The following HECTD2 variants were observed in gnomAD, a reference collection of about 807,000 sequenced individuals.
The protein encoded by HECTD2 is HECT domain E3 ubiquitin protein ligase 2.
Under a neutral mutation model 103.2 loss-of-function variants are expected in HECTD2, and 35 were observed. That is an observed-to-expected ratio of 0.34 (90% CI 0.26 to 0.45). The LOEUF is 0.45. Among genes scored for constraint, HECTD2 ranks in the 20% least tolerant of loss-of-function variants. The pLI, the probability that HECTD2 is intolerant of heterozygous loss-of-function variation, is 1.00. For missense variants in HECTD2, 596 were observed against 937.4 expected (o/e 0.64, Z 4.76); for synonymous variants, 281 against 329.9 (o/e 0.85, Z 1.61).
chr10:91,496,313 C>G lies in HECTD2; in HGVS notation c.1621C>G (p.Gln541Glu), dbSNP rs1424654688. 3 of 1,611,760 alleles carry G rather than the reference C, an allele frequency of 1.9e-6. No individual in the cohort carries two copies. The African/African-American group carries it at 4.0e-5, about 22-fold the overall frequency. The change falls in exon 15 of 21, where the codon CAA (glutamine) becomes GAA (glutamate). Residue 541 changes from glutamine (Q) to glutamate (E), a missense_variant. By Grantham distance (29) the Gln-to-Glu change is conservative. This residue lies in a region of HECTD2 where 303 missense variants were observed against 522.5 expected (regional missense o/e 0.58). Coordinates refer to ENST00000298068, the MANE Select transcript of HECTD2 (RefSeq NM_182765.6). ...GAGCCCTCCCATCATTCCTAGTGAT[C>G]AAAATATACCAGTAGGCATCTGCAA... is the stretch of plus-strand genomic sequence containing the variant. ...LLSPPIIPSD[Q>E]NIPVGICNVT...
At chr10:91,424,749 A>C (rs1352840027) in intron 1 of HECTD2, among the ~76,000 whole-genome samples, 1 of 152,102 alleles carries the variant, frequency 6.6e-6, no homozygotes, top group Non-Finnish European at 1.5e-5. Flanking sequence ...TCTAAAAAAA[A>C]ATTCTGGTAT....
intron 11 of HECTD2, chr10:91,489,269 G>A (rs1846377874): frequency 6.6e-6 from 1 of 152,122 alleles, no homozygotes; most frequent in Non-Finnish European, 1.5e-5. Flanking sequence ...GAGCTAAGTG[G>A]CATTATCAGT....
chr10:91,424,498 A>G (rs1376187479), intron 1 of HECTD2, among the ~76,000 whole-genome samples: 7 of 152,126 alleles, frequency 4.6e-5, no homozygotes, highest in Non-Finnish European at 1.5e-5. Context: ...GGAAATTGGA[A>G]CATAGTATAA....
At chr10:91,471,010 A>ACG (rs200398909) in intron 5 of HECTD2, among the ~76,000 whole-genome samples, 9 of 145,124 alleles carry the variant, frequency 6.2e-5, no homozygotes, top group African/African-American at 2.0e-4. Flanking sequence ...ACAGACACAC[A>ACG]CGCACACACA....
At position 91,503,642 on chromosome 10, in the gene HECTD2, G is replaced by A. The variant is rs184999913; in HGVS notation, c.2210+2308G>A. ...GGAGGGTCCTACCCCACGGAGTCTC[G>A]CTGATGGCTAGCGCAGCAGTCTGAG... On this transcript the variant is annotated intron_variant, in intron 20 of 20. Coordinates refer to ENST00000298068, the MANE Select transcript of HECTD2 (RefSeq NM_182765.6). 5.3e-3 allele frequency among the ~76,000 whole-genome samples: 810 copies of A among 152,220 alleles called. 4 individuals carry two copies. The highest frequency in any genetic ancestry group is 9.8e-3 in the Admixed American group (150 of 15,286).
chr10:91,431,269 C>G lies in HECTD2; in HGVS notation c.268+5859C>G, dbSNP rs1453290678. The stretch of plus-strand genomic sequence containing the variant: ...GATCTGCTGTTAGTCTGATGGGCTT[C>G]CCTTTGTGGGTAACCCAACCTTTCT... On this transcript the variant is annotated intron_variant, in intron 2 of 20. Coordinates refer to ENST00000298068, the MANE Select transcript of HECTD2 (RefSeq NM_182765.6). Among the ~76,000 whole-genome samples, 3 of 151,854 alleles carry G rather than the reference C, an allele frequency of 2.0e-5. No individual in the cohort carries two copies. The East Asian group carries it at 5.8e-4, about 29-fold the overall frequency.
At chr10:91,428,584 T>G (rs959445815) in intron 2 of HECTD2, among the ~76,000 whole-genome samples, 7 of 152,178 alleles carry the variant, frequency 4.6e-5, no homozygotes, top group East Asian at 1.9e-4. Context: ...CCTTGAAGAG[T>G]TCCTTCACAT....
In HECTD2 at chr10:91,433,492, A is replaced by G. The variant is rs10450389; in HGVS notation, c.268+8082A>G. Among the ~76,000 whole-genome samples, 193 of 152,130 alleles carry G rather than the reference A, an allele frequency of 1.3e-3. 3 individuals are homozygous for G. The highest frequency in any genetic ancestry group is 6.8e-3 in the Middle Eastern group (2 of 294). Reference sequence around the variant, plus strand: ...TCTAGATATCTTTCTGTATCAGTACATAGAAAACTTCTTTATTATTTTTTA... The same window carrying G: ...TCTAGATATCTTTCTGTATCAGTACGTAGAAAACTTCTTTATTATTTTTTA... On this transcript the variant is annotated intron_variant, in intron 2 of 20. Transcript: ENST00000298068.
chr10:91,484,997 G>A (rs779703079), intron 9 of HECTD2, among the ~76,000 whole-genome samples, 183 bp from the exon 10 acceptor site: 1 of 151,892 alleles, frequency 6.6e-6, no homozygotes, highest in Admixed American at 6.6e-5. Context: ...TTTTAAGCAA[G>A]AAACTATTGG....
chr10:91,500,521 T>G lies in HECTD2; in HGVS notation c.1970T>G (p.Val657Gly), dbSNP rs1589547529. Residue 657 changes from valine to glycine, a missense_variant, in exon 19 of 21, where the codon GTT (valine) becomes GGT (glycine). This residue lies in a region of HECTD2 where 69 missense variants were observed against 153.8 expected (regional missense o/e 0.45). Transcript: ENST00000298068. Reference protein sequence around the residue: ...NALMLLRPEEVEILVCGSPDL... With the variant: ...NALMLLRPEEGEILVCGSPDL... Reference sequence around the variant, plus strand: ...TGGCAGCTGCTTCGTCCAGAAGAGGTTGAAATTTTGGTCTGTGGAAGTCCT... The same window carrying G: ...TGGCAGCTGCTTCGTCCAGAAGAGGGTGAAATTTTGGTCTGTGGAAGTCCT... 1 of 1,596,590 alleles carries G rather than the reference T, an allele frequency of 6.3e-7. No homozygotes were observed.
At chr10:91,463,394 C>T (rs1431214528) in intron 5 of HECTD2, 4 of 152,210 alleles carry the variant, frequency 2.6e-5, no homozygotes, top group African/African-American at 9.7e-5. Context: ...CTTGCTGTCT[C>T]AGGTGGCAGA....
intron 20 of HECTD2, among the ~76,000 whole-genome samples, chr10:91,502,739 A>T (rs1434115518): frequency 3.3e-5 from 5 of 152,178 alleles, no homozygotes; most frequent in Non-Finnish European, 7.3e-5. Context: ...TTTATTTTAT[A>T]TTAAAAACAT....
chr10:91,452,191 G>A (rs1179194684), intron 2 of HECTD2, among the ~76,000 whole-genome samples: 1 of 152,086 alleles, frequency 6.6e-6, no homozygotes, highest in African/African-American at 2.4e-5. Context: ...CCCAGAAGGA[G>A]AGGAAAAGAC....
At chr10:91,423,807 T>C (rs1474661085) in intron 1 of HECTD2, among the ~76,000 whole-genome samples, 2 of 152,278 alleles carry the variant, frequency 1.3e-5, no homozygotes, top group East Asian at 3.9e-4. Flanking sequence ...CAAGATTCAC[T>C]GTATGACAAG....
chr10:91,485,392 A>G (rs1488613651), intron 10 of HECTD2, 89 bp downstream of exon 10: 13 of 881,196 alleles, frequency 1.5e-5, no homozygotes, highest in Admixed American at 8.3e-5. Flanking sequence ...AAGTTTACAC[A>G]TACGTTTACA....
intron 6 of HECTD2, among the ~76,000 whole-genome samples, chr10:91,479,085 C>T (rs1042997084): frequency 3.9e-5 from 6 of 151,984 alleles, no homozygotes; most frequent in Admixed American, 6.6e-5. Flanking sequence ...GTGGTTGCAC[C>T]GTCCTGTAAT....
At chr10:91,438,696 A>G (rs1020668925) in intron 2 of HECTD2, among the ~76,000 whole-genome samples, 2 of 152,176 alleles carry the variant, frequency 1.3e-5, no homozygotes, top group Admixed American at 6.5e-5. Context: ...TCCCACCAAC[A>G]GTGTAAAAGC....
At chr10:91,437,753 C>T (rs749108919) in intron 2 of HECTD2, among the ~76,000 whole-genome samples, 30 of 151,214 alleles carry the variant, frequency 2.0e-4, no homozygotes, top group Middle Eastern at 3.4e-3. Context: ...TGTAAGTTTC[C>T]ATACTTCCTG....
intron 7 of HECTD2, among the ~76,000 whole-genome samples, chr10:91,482,604 C>T (rs1239996670): frequency 6.6e-6 from 1 of 151,824 alleles, no homozygotes; most frequent in Admixed American, 6.6e-5. Context: ...TATGAAGGTG[C>T]TTTATATACA....
Sources: gnomAD v4.1 joint callset for allele counts (sites outside exome capture counted in the v4.1 genomes callset) on GRCh38, gnomAD v4.1.1 for gene constraint, gnomAD v4.1.1 regional missense constraint, MANE v1.5 for transcripts, NCBI Gene and HGNC (gene_info 2026-07-23, HGNC 2026-07-21) for gene names.